KLHL1: variants seen among roughly 807,000 people sequenced by gnomAD.
KLHL1 encodes kelch-like protein 1.
In KLHL1, 47 loss-of-function variants were observed where a neutral mutation model predicts 77.7. The ratio of observed to expected loss-of-function variants is 0.60; its 90% confidence interval spans 0.48 to 0.77. The LOEUF (loss-of-function observed/expected upper bound fraction) is 0.77, where lower values mean the gene tolerates loss of function less well. Ranked by LOEUF, KLHL1 falls within the 30% of genes least tolerant of loss-of-function variation. The pLI is 0.00. For synonymous variants in KLHL1, 360 were observed against 325.2 expected (o/e 1.11, Z -1.15); for missense variants, 925 against 910.8 (o/e 1.02, Z -0.20).
chr13:69,751,985 C>T (rs1308899299), intron 7 of KLHL1, among the ~76,000 whole-genome samples: 1 of 152,062 alleles, frequency 6.6e-6, no homozygotes, highest in Non-Finnish European at 1.5e-5. Flanking sequence ...AAAATTACAA[C>T]CTGGCAATGT....
At chr13:70,028,246 G>A (rs1886006197) in intron 1 of KLHL1, among the ~76,000 whole-genome samples, 1 of 152,082 alleles carries the variant, frequency 6.6e-6, no homozygotes, top group East Asian at 1.9e-4. Flanking sequence ...TGATTAATAT[G>A]GCCCCAGCAA....
At chr13:69,806,497 A>C (rs1877623524) in intron 6 of KLHL1, among the ~76,000 whole-genome samples, 1 of 152,112 alleles carries the variant, frequency 6.6e-6, no homozygotes, top group South Asian at 2.1e-4. Context: ...CAGAGAAGAG[A>C]TGGGAAGTGC....
chr13:69,844,767 T>A (rs1286270397), intron 5 of KLHL1, among the ~76,000 whole-genome samples: 2 of 151,580 alleles, frequency 1.3e-5, no homozygotes, highest in East Asian at 1.9e-4. Context: ...CTGGGTTTTT[T>A]ATTTATTTAT....
chr13:70,059,565 CAAAGG>C (rs1886827253), intron 1 of KLHL1, among the ~76,000 whole-genome samples: 1 of 152,078 alleles, frequency 6.6e-6, no homozygotes, highest in Non-Finnish European at 1.5e-5. Flanking sequence ...TTTTGCACAG[CAAAGG>C]AAACAATCTA....
chr13:69,781,822 C>T (rs866797342), intron 7 of KLHL1, among the ~76,000 whole-genome samples: 30 of 152,064 alleles, frequency 2.0e-4, no homozygotes, highest in Non-Finnish European at 3.8e-4. Flanking sequence ...CTGACTTTCA[C>T]TTTACTTCTC....
intron 7 of KLHL1, among the ~76,000 whole-genome samples, chr13:69,749,305 AAAT>A (rs1227551480): frequency 1.3e-5 from 2 of 152,030 alleles, no homozygotes; most frequent in Admixed American, 6.6e-5. Context: ...TGCATTCTAA[AAAT>A]AATTATCTAA....
Position 70,096,031 on chromosome 13 carries a change from G to A in KLHL1, c.497+11172C>T, listed in dbSNP as rs1293313683. 4.6e-5 allele frequency among the ~76,000 whole-genome samples: 7 copies of A among 151,680 alleles called. No individual in the cohort carries two copies. In the East Asian group the frequency reaches 1.4e-3, roughly 29 times the overall value. On this transcript the variant is annotated intron_variant, in intron 1 of 10. Transcript: ENST00000377844. ...TGTTGCAATTAACATGATTTCATTC[G>A]TTTTTATAACCAAATAATGCTTTAT...
chr13:69,710,411 A>G (rs943925458), intron 9 of KLHL1, among the ~76,000 whole-genome samples: 1 of 152,076 alleles, frequency 6.6e-6, no homozygotes, highest in Non-Finnish European at 1.5e-5. Flanking sequence ...TGTAATAACT[A>G]CTTTTTAATT....
At chr13:70,030,598 G>A (rs1886074138) in intron 1 of KLHL1, among the ~76,000 whole-genome samples, 1 of 152,140 alleles carries the variant, frequency 6.6e-6, no homozygotes, top group Non-Finnish European at 1.5e-5. Flanking sequence ...AAAGCAGCAT[G>A]TAGAGGGAAA....
intron 7 of KLHL1, among the ~76,000 whole-genome samples, chr13:69,790,376 G>A (rs1438570740): frequency 6.6e-6 from 1 of 152,136 alleles, no homozygotes; most frequent in Non-Finnish European, 1.5e-5. Flanking sequence ...CTGTAATGTT[G>A]TGGTTGCCAC....
Position 69,799,632 on chromosome 13 carries a change from CAAAT to C in KLHL1, c.1415-2674_1415-2671del, listed in dbSNP as rs111732366. Among the ~76,000 whole-genome samples, 17 of 152,252 alleles carry C rather than the reference CAAAT, an allele frequency of 1.1e-4. 1 individual carries two copies. Among genetic ancestry groups the C allele is most frequent in the African/African-American group, 3.6e-4 (15 of 41,550 alleles). On this transcript the variant is annotated intron_variant, in intron 6 of 10. Transcript: ENST00000377844. ...GTTAAGAATATTTCCAATTTAGTGA[CAAAT>C]AACACAGATTTGTTATCTTACAGTT...
At chr13:69,795,501 T>A (rs1428568504) in intron 7 of KLHL1, among the ~76,000 whole-genome samples, 1 of 152,242 alleles carries the variant, frequency 6.6e-6, no homozygotes, top group Non-Finnish European at 1.5e-5. Context: ...TAAAAGAAAG[T>A]AATTTGTACT....
intron 5 of KLHL1, among the ~76,000 whole-genome samples, chr13:69,853,431 G>T (rs1381539095): frequency 6.6e-6 from 1 of 151,994 alleles, no homozygotes; most frequent in Non-Finnish European, 1.5e-5. Context: ...CCCCAGCCAT[G>T]CTGAACTGTG....
At chr13:70,096,733 AAT>A (rs1887801537) in intron 1 of KLHL1, among the ~76,000 whole-genome samples, 1 of 151,884 alleles carries the variant, frequency 6.6e-6, no homozygotes, top group African/African-American at 2.4e-5. Context: ...TGCCAGAAGT[AAT>A]ATCCCTTAAA....
intron 1 of KLHL1, among the ~76,000 whole-genome samples, chr13:69,987,031 A>T (rs1011082620): frequency 6.6e-6 from 1 of 151,898 alleles, no homozygotes; most frequent in Admixed American, 6.6e-5. Flanking sequence ...ATGTTTATAC[A>T]TATATAGCTG....
Position 69,724,246 on chromosome 13 carries a change from T to G in KLHL1, c.1803-4665A>C, listed in dbSNP as rs144817501. Among the ~76,000 whole-genome samples, 11 of 152,228 alleles carry G rather than the reference T, an allele frequency of 7.2e-5. No individual in the cohort carries two copies. The East Asian group carries it at 7.8e-4, about 11-fold the overall frequency. On this transcript the variant is annotated intron_variant, in intron 8 of 10. Coordinates refer to ENST00000377844, the MANE Select transcript of KLHL1 (RefSeq NM_020866.3). ...TGTAAATTTTGCATGTAATGGTTGA[T>G]GTATTACGTCTCCATAAAATGTATA...
intron 4 of KLHL1, among the ~76,000 whole-genome samples, chr13:69,926,058 C>A (rs906447375): frequency 1.3e-5 from 2 of 152,172 alleles, no homozygotes; most frequent in African/African-American, 4.8e-5. Context: ...CTCTTTTAAC[C>A]TTGCACAATA....
chr13:69,724,124 C>A (rs12429498), intron 8 of KLHL1, among the ~76,000 whole-genome samples: 17,583 of 152,068 alleles, frequency 0.12, 1,201 homozygotes, highest in African/African-American at 0.17. Flanking sequence ...CGTGAGATAC[C>A]GTGCCTGGCT....
At chr13:70,076,445 A>T in intron 1 of KLHL1, among the ~76,000 whole-genome samples, 1 of 151,480 alleles carries the variant, frequency 6.6e-6, no homozygotes, top group South Asian at 2.1e-4. Flanking sequence ...GAAAAAAAAA[A>T]TCAAGACACT....
Sources: gnomAD v4.1 joint callset for allele counts (sites outside exome capture counted in the v4.1 genomes callset) on GRCh38, gnomAD v4.1.1 for gene constraint, MANE v1.5 for transcripts, NCBI Gene and HGNC (gene_info 2026-07-23, HGNC 2026-07-21) for gene names.